Variants in CRACR2A observed in about 807,000 individuals in gnomAD.
CRACR2A encodes calcium release activated channel regulator 2A.
In CRACR2A, 79 loss-of-function variants were observed where a neutral mutation model predicts 90.5. That is an observed-to-expected ratio of 0.87 (90% confidence interval 0.73 to 1.05). The LOEUF (loss-of-function observed/expected upper bound fraction) is 1.05. Ranked by LOEUF, CRACR2A falls within the 50% of genes least tolerant of loss-of-function variation. The pLI, the probability that CRACR2A is intolerant of heterozygous loss-of-function variation, is 0.00. For missense variants in CRACR2A, 823 were observed against 897.2 expected (o/e 0.92, Z 1.06); for synonymous variants, 338 against 356.7 (o/e 0.95, Z 0.59).
At chr12:3,743,232 T>G (rs1946556522) in intron 1 of CRACR2A, among the ~76,000 whole-genome samples, 1 of 152,266 alleles carries the variant, frequency 6.6e-6, no homozygotes, top group African/African-American at 2.4e-5. Flanking sequence ...CTTTTCTTTT[T>G]TCATTGACAC....
intron 1 of CRACR2A, among the ~76,000 whole-genome samples, chr12:3,738,959 C>T (rs1257379419): frequency 2.0e-5 from 3 of 152,060 alleles, no homozygotes; most frequent in African/African-American, 7.2e-5. Context: ...ATGCTAAAAT[C>T]ATGTCACTGT....
intron 7 of CRACR2A, among the ~76,000 whole-genome samples, chr12:3,671,925 C>T (rs770501694): frequency 1.3e-5 from 2 of 152,168 alleles, no homozygotes; most frequent in African/African-American, 2.4e-5. Flanking sequence ...GTAACTTGTC[C>T]TAAGTTGCAC....
chr12:3,671,415 A>G (rs1295842314), intron 7 of CRACR2A, among the ~76,000 whole-genome samples: 1 of 152,130 alleles, frequency 6.6e-6, no homozygotes, highest in Non-Finnish European at 1.5e-5. Flanking sequence ...GAAGCCAAGA[A>G]ATGTGAGCAG....
chr12:3,678,925 C>T lies in CRACR2A; in HGVS notation c.514G>A (p.Val172Met), dbSNP rs199641669. The T allele has an allele frequency of 8.2e-5, 132 of 1,607,808 alleles. 1 individual carries two copies. The highest frequency in any genetic ancestry group is 2.9e-5 in the Non-Finnish European group (34 of 1,177,764). The part of the protein sequence containing the change: ...MLMDRLGAQK[V>M]LEDESDVKQL... ...ACTGTCACCACTTACTCTTCCAACACCTTTTGGGCTCCAAGTCTGTCCATC... is the reference window on the plus strand; with the variant it reads ...ACTGTCACCACTTACTCTTCCAACATCTTTTGGGCTCCAAGTCTGTCCATC... The change falls in exon 6 of 20, where the codon GTG (valine) becomes ATG (methionine). Residue 172 changes from valine to methionine, a missense_variant. Val to Met is a conservative substitution (Grantham distance 21, BLOSUM62 1). Coordinates refer to ENST00000440314, the MANE Select transcript of CRACR2A (RefSeq NM_001144958.2).
chr12:3,727,785 T>C (rs1946295508), intron 2 of CRACR2A: 1 of 152,136 alleles, frequency 6.6e-6, no homozygotes, highest in Non-Finnish European at 1.5e-5. Flanking sequence ...GCATACTATG[T>C]TCGTTATTTG....
At chr12:3,716,005 G>A (rs1946076859) in intron 2 of CRACR2A, among the ~76,000 whole-genome samples, 1 of 151,606 alleles carries the variant, frequency 6.6e-6, no homozygotes, top group Non-Finnish European at 1.5e-5. Context: ...CTGAAGAGAA[G>A]AAGGAGCGGG....
rs770076324 is a variant in CRACR2A at position 3,656,348 on chromosome 12, T to C, written c.821A>G (p.Glu274Gly). Residue 274 changes from glutamate (E) to glycine (G), a missense_variant, in exon 9 of 20, where the codon GAG becomes GGG. Transcript: ENST00000440314. ...QELEQKLLCK[E>G]QELEQLTQKQ... ...CTGGGTGAGCTGCTCCAGCTCCTGC[T>C]CCTTACATAACAGTTTCTGCTCCAG... 9.9e-6 allele frequency: 16 copies of C among 1,614,098 alleles called. No individual in the cohort carries two copies. The highest frequency in any genetic ancestry group is 1.4e-5 in the Non-Finnish European group (16 of 1,180,030).
chr12:3,738,620 T>C (rs979879202), intron 1 of CRACR2A, among the ~76,000 whole-genome samples: 6 of 152,022 alleles, frequency 3.9e-5, no homozygotes, highest in Non-Finnish European at 2.9e-5. Flanking sequence ...ACTGAAAATA[T>C]GAAAGAGAAC....
intron 3 of CRACR2A, among the ~76,000 whole-genome samples, chr12:3,710,771 G>A (rs571723296): frequency 3.0e-4 from 44 of 148,524 alleles, no homozygotes; most frequent in Admixed American, 2.2e-3. Flanking sequence ...CCAGCCTGGC[G>A]ACAGAGCGAG....
chr12:3,673,565 C>T lies in CRACR2A; in HGVS notation c.552G>A (p.Leu184=). 1 of 1,613,858 alleles carries T rather than the reference C, an allele frequency of 6.2e-7. No individual in the cohort carries two copies. The highest frequency in any genetic ancestry group is 1.1e-5 in the South Asian group (1 of 91,038). Residue 184 remains leucine (L), a synonymous_variant, in exon 7 of 20, where the codon TTG becomes TTA. Transcript: ENST00000440314. The part of the protein sequence containing the change: ...EDESDVKQLW[L]QLKKEEPHLL... Reference sequence around the variant, plus strand: ...AATGAGGTTCCTCCTTCTTCAGCTGCAACCAGAGCTGCTTGACATCACTTT... The same window carrying T: ...AATGAGGTTCCTCCTTCTTCAGCTGTAACCAGAGCTGCTTGACATCACTTT...
At chr12:3,623,347 C>T (rs530391741) in intron 17 of CRACR2A, among the ~76,000 whole-genome samples, 3 of 152,258 alleles carry the variant, frequency 2.0e-5, no homozygotes, top group Admixed American at 1.3e-4. Context: ...TTCACTTCCT[C>T]GACTCACATG....
intron 1 of CRACR2A, among the ~76,000 whole-genome samples, chr12:3,749,196 T>G (rs1208566911): frequency 6.6e-6 from 1 of 152,238 alleles, no homozygotes; most frequent in Non-Finnish European, 1.5e-5. Context: ...CCTTGGGCCA[T>G]GCCTGGCACT....
chr12:3,624,004 G>T (rs115939600), intron 17 of CRACR2A, among the ~76,000 whole-genome samples: 1,606 of 152,268 alleles, frequency 0.011, 37 homozygotes, highest in African/African-American at 0.036. Context: ...GGAGCATTTG[G>T]TCTGCTGCCT....
intron 4 of CRACR2A, among the ~76,000 whole-genome samples, chr12:3,688,822 T>C (rs541757586): frequency 6.6e-6 from 1 of 152,368 alleles, no homozygotes; most frequent in South Asian, 2.1e-4. Flanking sequence ...TGCATGAGCA[T>C]AGAATGTTTT....
intron 2 of CRACR2A, among the ~76,000 whole-genome samples, chr12:3,717,243 T>C (rs1012290183): frequency 7.2e-5 from 11 of 152,186 alleles, no homozygotes; most frequent in African/African-American, 2.7e-4. Context: ...CTCTAGCCTA[T>C]CCTGGGACTT....
intron 14 of CRACR2A, among the ~76,000 whole-genome samples, chr12:3,634,790 A>G (rs1465849509): frequency 1.3e-5 from 2 of 152,168 alleles, no homozygotes; most frequent in African/African-American, 2.4e-5. Context: ...TGCCTTTTGG[A>G]GAGAAATCAA....
chr12:3,623,341 C>T (rs955412386), intron 17 of CRACR2A, among the ~76,000 whole-genome samples: 19 of 152,298 alleles, frequency 1.2e-4, no homozygotes, highest in African/African-American at 4.1e-4. Flanking sequence ...TTCTATTTCA[C>T]TTCCTCGACT....
At chr12:3,621,851 G>A (rs147986489) in intron 17 of CRACR2A, among the ~76,000 whole-genome samples, 4 of 151,714 alleles carry the variant, frequency 2.6e-5, no homozygotes, top group Admixed American at 2.6e-4. Context: ...GCCTGCCACC[G>A]ATAAAGGAGA....
chr12:3,648,190 C>A, intron 11 of CRACR2A: 1 of 1,118,930 alleles, frequency 8.9e-7, no homozygotes, highest in Non-Finnish European at 1.1e-6. Flanking sequence ...AACAGTTTTG[C>A]TGACAATGAA....
Sources: gnomAD v4.1 joint callset for allele counts (sites outside exome capture counted in the v4.1 genomes callset) on GRCh38, gnomAD v4.1.1 for gene constraint, MANE v1.5 for transcripts, NCBI Gene and HGNC (gene_info 2026-07-23, HGNC 2026-07-21) for gene names.